The following CD70 variants were observed in gnomAD, a reference collection of about 807,000 sequenced individuals.
CD70 encodes CD70 antigen.
Under a neutral mutation model 9.0 loss-of-function variants are expected in CD70, and 6 were observed. The observed-to-expected ratio is 0.67, with a 90% CI of 0.37 to 1.32. The LOEUF is 1.32. CD70 is among the 40% of genes most tolerant of loss of function. The probability of loss-of-function intolerance (pLI) is 0.02; values close to 1 mark genes in which losing one functional copy is unlikely to be tolerated. For synonymous variants in CD70, 108 were observed against 112.3 expected (o/e 0.96, Z 0.24); for missense variants, 235 against 258.7 (o/e 0.91, Z 0.63).
At chr19:6,589,268 TTTC>T (rs1916095892) in intron 2 of CD70, among the ~76,000 whole-genome samples, 2 of 124,018 alleles carry the variant, frequency 1.6e-5, no homozygotes, top group Non-Finnish European at 1.7e-5. Flanking sequence ...CTTTCTCTTA[TTTC>T]TTTTTTTCTC....
At chr19:6,582,938 C>G (rs534395585), downstream of CD70, among the ~76,000 whole-genome samples, 2 of 152,300 alleles carry the variant, frequency 1.3e-5, no homozygotes, top group Non-Finnish European at 2.9e-5. Context: ...TTGCAGGATA[C>G]AGCCTCCCTC....
At chr19:6,584,280 C>T (rs897788022), downstream of CD70, among the ~76,000 whole-genome samples, 1 of 150,548 alleles carries the variant, frequency 6.6e-6, no homozygotes, top group East Asian at 2.0e-4. Flanking sequence ...GAGGCCGAGG[C>T]GGGTGGATCA....
At chr19:6,589,170 C>T (rs1216618998) in intron 2 of CD70, among the ~76,000 whole-genome samples, 1 of 151,224 alleles carries the variant, frequency 6.6e-6, no homozygotes, top group East Asian at 1.9e-4. Flanking sequence ...TCTCCCCCGC[C>T]CTGTTTTTCT....
chr19:6,583,697 T>C (rs529569103), downstream of CD70, among the ~76,000 whole-genome samples: 1 of 151,926 alleles, frequency 6.6e-6, no homozygotes, highest in East Asian at 1.9e-4. Flanking sequence ...TAGCATGGAT[T>C]AGAGGTGCCC....
intron 2 of CD70, among the ~76,000 whole-genome samples, chr19:6,586,902 C>CAAAAAAAA (rs55803401): frequency 3.6e-4 from 31 of 85,280 alleles, no homozygotes; most frequent in Non-Finnish European, 3.8e-4. Context: ...GAGAGAGAGA[C>CAAAAAAAA]AAAAAAAAAA....
intron 2 of CD70, among the ~76,000 whole-genome samples, 153 bp downstream of exon 2, chr19:6,589,950 T>C (rs1475593251): frequency 8.9e-5 from 7 of 78,434 alleles, no homozygotes; most frequent in Admixed American, 2.6e-4. Context: ...TGTCTCCCCC[T>C]CTCCGTTTCC....
intron 2 of CD70, among the ~76,000 whole-genome samples, chr19:6,586,987 A>T (rs1016768180): frequency 6.6e-6 from 1 of 151,324 alleles, no homozygotes; most frequent in African/African-American, 2.4e-5. Flanking sequence ...ATGCAGAGAG[A>T]GAGCAAGAGA....
chr19:6,584,427 C>A (rs1219923643), downstream of CD70, among the ~76,000 whole-genome samples: 2 of 151,736 alleles, frequency 1.3e-5, no homozygotes, highest in Admixed American at 1.3e-4. Flanking sequence ...ATTGCTTGAA[C>A]CTGGGAGGGT....
chr19:6,589,213 C>G (rs548562238), intron 2 of CD70, among the ~76,000 whole-genome samples: 1 of 150,456 alleles, frequency 6.6e-6, no homozygotes, highest in South Asian at 2.1e-4. Flanking sequence ...CTCTTCCTCT[C>G]TGTTATTCTC....
Position 6,586,037 on chromosome 19 carries a change from G to A in CD70, c.565C>T (p.Gln189Ter). The A allele has an allele frequency of 6.2e-6, 10 of 1,612,166 alleles. No individual in the cohort carries two copies. The highest frequency in any genetic ancestry group is 8.5e-6 in the Non-Finnish European group (10 of 1,178,298). Reference protein sequence around the residue: ...RNTDETFFGVQWVRP With the variant: ...RNTDETFFGV ...AGCAGTGGTCAGGGGCGCACCCACT[G>A]CACTCCAAAGAAGGTCTCATCAGTG... Residue 189 changes from glutamine to a stop codon, truncating the protein, a stop_gained, in exon 3 of 3, where the codon CAG becomes TAG. Coordinates refer to ENST00000245903, the MANE Select transcript of CD70 (RefSeq NM_001252.5). LOFTEE classifies it high-confidence loss of function.
Position 6,590,710 on chromosome 19 carries a change from G to T in CD70, c.162+131C>A. ...CACCGGGCAGCCTGGTCCCCGCCTCGCCTCCCTGTTCTGGTCTCTGTCTCT... is the reference window on the plus strand; with the variant it reads ...CACCGGGCAGCCTGGTCCCCGCCTCTCCTCCCTGTTCTGGTCTCTGTCTCT... On this transcript the variant is annotated intron_variant, in intron 1 of 2. Transcript: ENST00000245903. The surrounding 1 kb of genome is among the most constrained non-coding windows in gnomAD (Gnocchi z 5.3). The T allele has an allele frequency of 2.5e-6, 2 of 810,512 alleles. No individual in the cohort carries two copies. The highest frequency in any genetic ancestry group is 1.7e-5 in the African/African-American group (1 of 57,896). 50.2% of individuals were successfully genotyped at this position (810,512 alleles called of 1,614,324 possible).
chr19:6,589,641 C>G (rs1916107662), intron 2 of CD70, among the ~76,000 whole-genome samples: 1 of 152,042 alleles, frequency 6.6e-6, no homozygotes. Flanking sequence ...CCACCCGCCG[C>G]GCCCTCCGAA....
chr19:6,582,021 G>T (rs1028042096), downstream of CD70, among the ~76,000 whole-genome samples: 2 of 136,488 alleles, frequency 1.5e-5, no homozygotes. Flanking sequence ...AAATCCAGTG[G>T]GGCAGTTAAA....
downstream of CD70, among the ~76,000 whole-genome samples, chr19:6,584,914 C>T (rs922697015): frequency 2.0e-5 from 3 of 152,000 alleles, no homozygotes; most frequent in Non-Finnish European, 2.9e-5. Context: ...GTCTTGAACT[C>T]CTGACCTCAA....
In CD70 at chr19:6,590,197, T is replaced by C; in HGVS notation, c.163-61A>G. The C allele has an allele frequency of 2.2e-6, 3 of 1,362,504 alleles. No homozygotes were observed. Among genetic ancestry groups the C allele is most frequent in the Non-Finnish European group, 3.2e-6 (3 of 950,180 alleles). 84.4% of individuals were successfully genotyped at this position (1,362,504 alleles called of 1,614,324 possible). A position where few individuals can be genotyped will look rare whatever the true frequency, so the allele number is the denominator to read the frequency against. On this transcript the variant is annotated intron_variant, in intron 1 of 2. Transcript: ENST00000245903. This position sits in a 1 kb window ranked among gnomAD's most constrained non-coding sequence, Gnocchi z 5.3. Reference sequence around the variant, plus strand: ...AAGCAGAGAGGTTCTATGTGTCCCCTGTGCCAGGAGCTCTCTTTTCTCTGT... The same window carrying C: ...AAGCAGAGAGGTTCTATGTGTCCCCCGTGCCAGGAGCTCTCTTTTCTCTGT...
chr19:6,582,513 G>T (rs1294662075), downstream of CD70, among the ~76,000 whole-genome samples: 1 of 75,080 alleles, frequency 1.3e-5, no homozygotes, highest in East Asian at 4.0e-4. Context: ...CCCCTCCCCC[G>T]ACTCCACACT....
At chr19:6,589,379 C>A (rs1335907591) in intron 2 of CD70, among the ~76,000 whole-genome samples, 3 of 138,748 alleles carry the variant, frequency 2.2e-5, no homozygotes, top group South Asian at 2.3e-4. Flanking sequence ...CTTTCTTTTT[C>A]TTTTCCTTTC....
At chr19:6,581,997 C>T (rs1173332013), downstream of CD70, among the ~76,000 whole-genome samples, 1 of 151,626 alleles carries the variant, frequency 6.6e-6, no homozygotes, top group Non-Finnish European at 1.5e-5. Flanking sequence ...GGCTGAAGGT[C>T]CCCTGCAATT....
Position 6,586,403 on chromosome 19 carries a change from G to T in CD70, c.199C>A (p.Pro67Thr). Residue 67 changes from proline (P) to threonine (T), a missense_variant and splice_region_variant, in exon 3 of 3, where the codon CCT becomes ACT. Coordinates refer to ENST00000245903, the MANE Select transcript of CD70 (RefSeq NM_001252.5). The stretch of plus-strand genomic sequence containing the variant: ...CAGTATAGCCTGGGGTCCTGCTGAG[G>T]TCCTGGGGGCACAGGGTTAGAGGGA... ...VAELQLNHTG[P>T]QQDPRLYWQG... 4 of 1,606,324 alleles carry T rather than the reference G, an allele frequency of 2.5e-6. No homozygotes were observed. The highest frequency in any genetic ancestry group is 3.4e-6 in the Non-Finnish European group (4 of 1,176,484).
Sources: allele counts gnomAD v4.1 joint callset (sites outside exome capture counted in the v4.1 genomes callset), GRCh38; gene constraint gnomAD v4.1.1; non-coding constraint Gnocchi (gnomAD v3.1); transcripts MANE v1.5; gene names NCBI Gene and HGNC (gene_info 2026-07-23, HGNC 2026-07-21).